The following SPECC1 variants were observed in gnomAD, a reference collection of about 807,000 sequenced individuals.
The protein encoded by SPECC1 is sperm antigen with calponin homology and coiled-coil domains 1.
A neutral mutation model predicts 104.1 loss-of-function variants in SPECC1; 62 were observed. That is an observed-to-expected ratio of 0.60 (90% CI 0.49 to 0.74). The LOEUF is 0.74. SPECC1 is among the 30% of genes least tolerant of loss of function. SPECC1 has a pLI of 0.00. For synonymous variants in SPECC1, 513 were observed against 501.6 expected (o/e 1.02, Z -0.30); for missense variants, 1,306 against 1,310.5 (o/e 1.00, Z 0.05).
At chr17:20,210,300 G>T (rs2037051449) in intron 4 of SPECC1, among the ~76,000 whole-genome samples, 1 of 152,176 alleles carries the variant, frequency 6.6e-6, no homozygotes, top group Non-Finnish European at 1.5e-5. Flanking sequence ...GCTTGAGCCA[G>T]GGGACACTCC....
chr17:20,018,419 C>T (rs927704415), intron 1 of SPECC1, among the ~76,000 whole-genome samples: 1 of 152,228 alleles, frequency 6.6e-6, no homozygotes, highest in African/African-American at 2.4e-5. Context: ...GGGACAGGGT[C>T]TTGCTCTGTC....
rs557087075 is a variant in SPECC1 at position 20,200,764 on chromosome 17, G to A, written c.284-3569G>A. On this transcript the variant is annotated intron_variant, in intron 3 of 14. Transcript: ENST00000395527. Reference sequence around the variant, plus strand: ...GCTCACATGGTGGGTGCACAACCAAGACCATCATCATTGGTCTGATGATGA... The same window carrying A: ...GCTCACATGGTGGGTGCACAACCAAAACCATCATCATTGGTCTGATGATGA... 5.9e-5 allele frequency among the ~76,000 whole-genome samples: 9 copies of A among 152,220 alleles called. No individual in the cohort carries two copies. The South Asian group carries it at 1.7e-3, about 28-fold the overall frequency.
At chr17:20,157,110 A>T (rs1227511149) in intron 3 of SPECC1, among the ~76,000 whole-genome samples, 1 of 152,158 alleles carries the variant, frequency 6.6e-6, no homozygotes, top group Non-Finnish European at 1.5e-5. Context: ...AGGTGAAGCG[A>T]CTTGTCCGAG....
chr17:20,162,087 G>T (rs529944811), intron 3 of SPECC1, among the ~76,000 whole-genome samples: 24 of 151,746 alleles, frequency 1.6e-4, no homozygotes, highest in Admixed American at 1.6e-3. Flanking sequence ...GAGCCACCGT[G>T]CCCTGCTCTC....
intron 1 of SPECC1, among the ~76,000 whole-genome samples, chr17:20,028,912 G>A (rs915961363): frequency 1.1e-4 from 17 of 152,102 alleles, no homozygotes; most frequent in Non-Finnish European, 5.9e-5. Flanking sequence ...ATAGGCATGT[G>A]CCACCACGCC....
At chr17:20,081,242 G>C (rs1180186812) in intron 1 of SPECC1, among the ~76,000 whole-genome samples, 1 of 152,204 alleles carries the variant, frequency 6.6e-6, no homozygotes, top group African/African-American at 2.4e-5. Flanking sequence ...GGGAGGGGTG[G>C]TGTTTGGTTT....
rs2036708301 is a variant in SPECC1, at chr17:20,205,367, A to G, written c.1318A>G (p.Asn440Asp). The G allele has an allele frequency of 2.5e-6, 4 of 1,613,728 alleles. No individual in the cohort carries two copies. Among genetic ancestry groups the G allele is most frequent in the Non-Finnish European group, 3.4e-6 (4 of 1,179,944 alleles). Residue 440 changes from asparagine (N) to aspartate (D), a missense_variant, in exon 4 of 15, where the codon AAT becomes GAT. By Grantham distance (23) the Asn-to-Asp change is conservative. This residue lies in a region of SPECC1 where 1,177 missense variants were observed against 1,139.9 expected (regional missense o/e 1.03). Transcript: ENST00000395527. ...GAGGGCAGAGCAGCTAAGTCAAGAA[A>G]ATGAGAAGCTGATGAATCTTTTACA... ...RERAEQLSQE[N>D]EKLMNLLQER... is the part of the protein sequence containing the mutation.
chr17:20,014,559 G>A (rs1252238763), intron 1 of SPECC1, among the ~76,000 whole-genome samples: 1 of 152,078 alleles, frequency 6.6e-6, no homozygotes, highest in Non-Finnish European at 1.5e-5. Context: ...ACTTTTCCAT[G>A]TGAATATTCT....
At chr17:20,161,781 C>T (rs1259236135) in intron 3 of SPECC1, among the ~76,000 whole-genome samples, 1 of 150,478 alleles carries the variant, frequency 6.6e-6, no homozygotes, top group Non-Finnish European at 1.5e-5. Flanking sequence ...TCAGTTCTGT[C>T]ACTTCTTTTT....
intron 3 of SPECC1, among the ~76,000 whole-genome samples, chr17:20,165,001 T>A (rs1473649209): frequency 5.3e-5 from 8 of 152,188 alleles, no homozygotes; most frequent in African/African-American, 1.7e-4. Context: ...AAGCAGTATC[T>A]TTTTTAAAAA....
intron 1 of SPECC1, chr17:20,057,665 T>C (rs2152468228): frequency 6.6e-6 from 1 of 152,006 alleles, no homozygotes; most frequent in African/African-American, 2.4e-5. Flanking sequence ...TAATTTTTTT[T>C]TTTTTTTGTA....
At chr17:20,157,038 A>G (rs1007329154) in intron 3 of SPECC1, among the ~76,000 whole-genome samples, 12 of 152,080 alleles carry the variant, frequency 7.9e-5, no homozygotes, top group African/African-American at 2.9e-4. Context: ...TCAGAACTGT[A>G]AATATTTTCC....
At chr17:20,286,649 A>G (rs141275421) in intron 12 of SPECC1, among the ~76,000 whole-genome samples, 1 of 152,152 alleles carries the variant, frequency 6.6e-6, no homozygotes, top group Non-Finnish European at 1.5e-5. Context: ...ATGTCCCACA[A>G]ACTGCTGTTT....
intron 4 of SPECC1, among the ~76,000 whole-genome samples, chr17:20,226,671 A>C (rs545338572): frequency 6.6e-6 from 1 of 152,336 alleles, no homozygotes; most frequent in Non-Finnish European, 1.5e-5. Context: ...CTGTGTATTT[A>C]AAATGTTTAA....
chr17:20,270,770 TC>T (rs2040382579), intron 12 of SPECC1, among the ~76,000 whole-genome samples: 1 of 152,198 alleles, frequency 6.6e-6, no homozygotes, highest in African/African-American at 2.4e-5. Flanking sequence ...TGTTACACTT[TC>T]CATTTTAATA....
chr17:20,267,146 C>T (rs1265981248), intron 12 of SPECC1, among the ~76,000 whole-genome samples: 1 of 152,140 alleles, frequency 6.6e-6, no homozygotes, highest in African/African-American at 2.4e-5. Flanking sequence ...TCCTAGGAGG[C>T]CCTTCCTCAC....
At chr17:20,262,339 C>A (rs2040058565) in intron 12 of SPECC1, among the ~76,000 whole-genome samples, 1 of 152,116 alleles carries the variant, frequency 6.6e-6, no homozygotes, top group Non-Finnish European at 1.5e-5. Context: ...AATTCCTGGG[C>A]CATAGGGTAT....
In SPECC1 at chr17:20,277,505, G is replaced by A. The variant is rs1354838837; in HGVS notation, c.2940+17211G>A. On this transcript the variant is annotated intron_variant, in intron 12 of 14. Transcript: ENST00000395527. ...TTTATTGGTGCTTTGGGGAAGAGGG[G>A]GTGTGGTCTGTCCCTTTAGCCTTAT... 3.3e-5 allele frequency among the ~76,000 whole-genome samples: 5 copies of A among 151,922 alleles called. No individual in the cohort carries two copies. The East Asian group carries it at 9.6e-4, about 29-fold the overall frequency.
At chr17:20,226,921 C>G (rs2038246606) in intron 4 of SPECC1, among the ~76,000 whole-genome samples, 2 of 152,124 alleles carry the variant, frequency 1.3e-5, no homozygotes, top group Admixed American at 1.3e-4. Flanking sequence ...TTGTTCACAG[C>G]TCAGCAGCAG....
Sources: allele counts gnomAD v4.1 joint callset (sites outside exome capture counted in the v4.1 genomes callset), GRCh38; gene constraint gnomAD v4.1.1; regional missense constraint gnomAD v4.1.1; transcripts MANE v1.5; gene names NCBI Gene and HGNC (gene_info 2026-07-23, HGNC 2026-07-21).